Variants in MAPRE3 observed in about 807,000 individuals in gnomAD.
MAPRE3 encodes microtubule-associated protein RP/EB family member 3.
MAPRE3 carries 2 observed loss-of-function variants against 30.5 expected under a neutral mutation model. The observed-to-expected ratio is 0.07, with a 90% CI of 0.03 to 0.21. MAPRE3 has a LOEUF of 0.21. MAPRE3 is among the 10% of genes least tolerant of loss of function. The pLI, the probability that MAPRE3 is intolerant of heterozygous loss-of-function variation, is 1.00. For missense variants in MAPRE3, 204 were observed against 351.8 expected (o/e 0.58, Z 3.36); for synonymous variants, 110 against 127.7 (o/e 0.86, Z 0.93).
chr2:26,975,252 C>T (rs143021443), intron 1 of MAPRE3, among the ~76,000 whole-genome samples: 253 of 152,214 alleles, frequency 1.7e-3, no homozygotes, highest in African/African-American at 5.9e-3. Context: ...CACATGTGGT[C>T]TTTATTGACT....
intron 1 of MAPRE3, among the ~76,000 whole-genome samples, chr2:27,021,390 A>G (rs536385972): frequency 3.9e-5 from 6 of 152,278 alleles, no homozygotes; most frequent in African/African-American, 1.4e-4. Context: ...GTGGTGATTA[A>G]TTGCTGGTGA....
intron 1 of MAPRE3, among the ~76,000 whole-genome samples, chr2:27,010,439 C>CT (rs71401549): frequency 0.038 from 4,381 of 115,500 alleles, 332 homozygotes; most frequent in African/African-American, 0.12. Context: ...ATCTGTATTT[C>CT]TTTTTTTTTT....
At chr2:26,988,792 C>T (rs1666269206) in intron 1 of MAPRE3, among the ~76,000 whole-genome samples, 1 of 152,202 alleles carries the variant, frequency 6.6e-6, no homozygotes, top group Non-Finnish European at 1.5e-5. Context: ...TAGTAATAGG[C>T]CAGTCACCTA....
intron 1 of MAPRE3, among the ~76,000 whole-genome samples, 179 bp downstream of exon 1, chr2:26,970,981 C>G (rs1262460568): frequency 6.6e-6 from 1 of 151,744 alleles, no homozygotes; most frequent in African/African-American, 2.4e-5. Context: ...GGGTTCCCTC[C>G]GGCCTTGGCG....
chr2:26,981,144 A>T (rs1419296029), intron 1 of MAPRE3, among the ~76,000 whole-genome samples: 1 of 152,156 alleles, frequency 6.6e-6, no homozygotes, highest in Non-Finnish European at 1.5e-5. Flanking sequence ...GTCTGGGCAT[A>T]TGAGAGATGA....
intron 1 of MAPRE3, among the ~76,000 whole-genome samples, chr2:27,010,446 T>C (rs1666826724): frequency 6.7e-6 from 1 of 148,446 alleles, no homozygotes; most frequent in Non-Finnish European, 1.5e-5. Context: ...TTTCTTTTTT[T>C]TTTTTTTTTT....
intron 1 of MAPRE3, among the ~76,000 whole-genome samples, chr2:26,987,801 C>T (rs1270554724): frequency 6.6e-6 from 1 of 152,138 alleles, no homozygotes; most frequent in African/African-American, 2.4e-5. Flanking sequence ...TAGGACAAGG[C>T]ATTAGACAAA....
chr2:27,025,564 ACT>A lies in MAPRE3; in HGVS notation c.470-16_470-15del. Reference sequence around the variant, plus strand: ...CTGTGGGCTCACGTGGACTTACCTGACTCTTTTCCTCTGGGCAGTTCCACAGA... The same window carrying A: ...CTGTGGGCTCACGTGGACTTACCTGACTTTTCCTCTGGGCAGTTCCACAGA... On this transcript the variant is annotated splice_polypyrimidine_tract_variant and intron_variant, in intron 4 of 6. Coordinates refer to ENST00000233121, the MANE Select transcript of MAPRE3 (RefSeq NM_012326.4). The A allele has an allele frequency of 6.5e-7, 1 of 1,547,966 alleles. No individual in the cohort carries two copies. The highest frequency in any genetic ancestry group is 8.7e-7 in the Non-Finnish European group (1 of 1,149,328).
chr2:27,001,139 A>G (rs2148212989), intron 1 of MAPRE3, among the ~76,000 whole-genome samples: 1 of 152,360 alleles, frequency 6.6e-6, no homozygotes, highest in South Asian at 2.1e-4. Context: ...ACATTGCTTA[A>G]TGATGGGATA....
At chr2:27,024,416 G>A (rs1667188872) in intron 4 of MAPRE3, 119 bp downstream of exon 4, 5 of 928,760 alleles carry the variant, frequency 5.4e-6, no homozygotes, top group Non-Finnish European at 6.4e-6. Flanking sequence ...TTGTTATCAC[G>A]GAGTTCGGAT....
intron 1 of MAPRE3, among the ~76,000 whole-genome samples, chr2:27,019,651 T>A (rs1048034628): frequency 3.9e-5 from 6 of 152,164 alleles, no homozygotes; most frequent in African/African-American, 1.4e-4. Context: ...GCTCTGAAAT[T>A]GCCAGGTCTT....
intron 4 of MAPRE3, 66 bp downstream of exon 4, chr2:27,024,363 T>C (rs1367391996): frequency 4.8e-6 from 7 of 1,470,974 alleles, no homozygotes; most frequent in Non-Finnish European, 5.5e-6. Flanking sequence ...TAGCCAGGAG[T>C]GCCCCCTGGG....
intron 4 of MAPRE3, 124 bp from the exon 5 acceptor site, chr2:27,025,459 G>T: frequency 1.0e-6 from 1 of 968,554 alleles, no homozygotes; most frequent in Non-Finnish European, 1.5e-6. Flanking sequence ...CTGGGGTGGG[G>T]GCAGGGGGGT....
At chr2:27,014,384 A>T (rs1374954733) in intron 1 of MAPRE3, 1 of 152,248 alleles carries the variant, frequency 6.6e-6, no homozygotes, top group Non-Finnish European at 1.5e-5. Context: ...TCAGATCATT[A>T]TTCAGCAGGA....
chr2:27,026,190 T>C, intron 6 of MAPRE3, 90 bp from the exon 7 acceptor site: 1 of 1,407,480 alleles, frequency 7.1e-7, no homozygotes, highest in Non-Finnish European at 9.8e-7. Context: ...CCTGGACTCC[T>C]GACCCCTTGC....
chr2:27,000,324 G>A (rs1249763732), intron 1 of MAPRE3, among the ~76,000 whole-genome samples: 2 of 152,230 alleles, frequency 1.3e-5, no homozygotes, highest in Non-Finnish European at 2.9e-5. Context: ...CGGAGCAAAG[G>A]AGAGAGACCC....
At chr2:27,001,830 T>G (rs890116411) in intron 1 of MAPRE3, among the ~76,000 whole-genome samples, 1 of 152,262 alleles carries the variant, frequency 6.6e-6, no homozygotes, top group African/African-American at 2.4e-5. Flanking sequence ...TGCGTGACTG[T>G]GTTTTCCCCC....
chr2:26,997,593 G>A (rs1407829385), intron 1 of MAPRE3, among the ~76,000 whole-genome samples: 1 of 152,148 alleles, frequency 6.6e-6, no homozygotes, highest in Non-Finnish European at 1.5e-5. Flanking sequence ...GAGCTCAGGC[G>A]GGAATGCTCG....
intron 1 of MAPRE3, among the ~76,000 whole-genome samples, chr2:26,973,700 C>A (rs939322833): frequency 6.6e-6 from 1 of 151,944 alleles, no homozygotes; most frequent in Non-Finnish European, 1.5e-5. Context: ...GGACTACAGG[C>A]GCCCGCCACC....
Sources: gnomAD v4.1 joint callset for allele counts (sites outside exome capture counted in the v4.1 genomes callset) on GRCh38, gnomAD v4.1.1 for gene constraint, MANE v1.5 for transcripts, NCBI Gene and HGNC (gene_info 2026-07-23, HGNC 2026-07-21) for gene names.